TRIM66: variants seen among roughly 807,000 people sequenced by gnomAD.
The protein encoded by TRIM66 is tripartite motif containing 66.
Under a neutral mutation model 148.2 loss-of-function variants are expected in TRIM66, and 99 were observed. The observed-to-expected ratio is 0.67, with a 90% CI of 0.57 to 0.79. The LOEUF (loss-of-function observed/expected upper bound fraction) is 0.79. Among genes scored for constraint, TRIM66 ranks in the 30% least tolerant of loss-of-function variants. The pLI is 0.00. For missense variants in TRIM66, 1,666 were observed against 1,697.9 expected (o/e 0.98, Z 0.33); for synonymous variants, 616 against 635.9 (o/e 0.97, Z 0.47).
intron 15 of TRIM66, 146 bp downstream of exon 15, chr11:8,638,508 G>A (rs545247319): frequency 2.6e-5 from 22 of 859,284 alleles, no homozygotes; most frequent in African/African-American, 2.3e-4. Context: ...GACTCACTAC[G>A]GCAGAAGGCA....
In TRIM66 at chr11:8,621,730, T is replaced by C. The variant is rs751968014; in HGVS notation, c.3170A>G (p.Lys1057Arg). 1.2e-5 allele frequency: 18 copies of C among 1,551,710 alleles called. No homozygotes were observed. Among genetic ancestry groups the C allele is most frequent in the Middle Eastern group, 1.7e-4 (1 of 5,990 alleles). ...AASSGEMPVF[K>R]LKPQKNDQDG... ...CTGATCATTCTTCTGTGGCTTCAGT[T>C]TGAACACAGGCATCTCTCCTGAGGA... The change falls in exon 19 of 25, where the codon AAA becomes AGA. Residue 1057 changes from lysine (K) to arginine (R), a missense_variant. Coordinates refer to ENST00000646038, the MANE Select transcript of TRIM66 (RefSeq NM_001388022.1).
At chr11:8,629,831 G>C (rs1352273811) in intron 15 of TRIM66, among the ~76,000 whole-genome samples, 28 of 152,204 alleles carry the variant, frequency 1.8e-4, no homozygotes, top group Admixed American at 1.8e-3. Flanking sequence ...TATCAGGAGA[G>C]GGGGTGAAGC....
intron 22 of TRIM66, 27 bp from the exon 23 acceptor site, chr11:8,619,562 G>C (rs1362582291): frequency 6.7e-7 from 1 of 1,498,830 alleles, no homozygotes; most frequent in Non-Finnish European, 8.9e-7. Flanking sequence ...TGAGGAGAAG[G>C]AGGCAAAGGG....
At chr11:8,647,820 G>T in intron 10 of TRIM66, 150 bp downstream of exon 10, 1 of 674,632 alleles carries the variant, frequency 1.5e-6, no homozygotes, top group Non-Finnish European at 2.6e-6. Flanking sequence ...GACCTCAAAG[G>T]CCAAGACATA....
chr11:8,666,897 C>A (rs1418544981), intron 6 of TRIM66, among the ~76,000 whole-genome samples: 1 of 152,208 alleles, frequency 6.6e-6, no homozygotes, highest in African/African-American at 2.4e-5. Flanking sequence ...GCAACCTCCA[C>A]TTCCTGGGTT....
intron 13 of TRIM66, among the ~76,000 whole-genome samples, chr11:8,642,802 T>C (rs963977928): frequency 7.1e-6 from 1 of 140,088 alleles, no homozygotes; most frequent in Non-Finnish European, 1.5e-5. Context: ...AGTCCTATAT[T>C]GCCACTGTTA....
intron 3 of TRIM66, chr11:8,678,141 T>C (rs1162846337): frequency 6.6e-6 from 1 of 152,186 alleles, no homozygotes; most frequent in Non-Finnish European, 1.5e-5. Flanking sequence ...TACCATATAA[T>C]CCAGCAGTCT....
In TRIM66 at chr11:8,622,860, T is replaced by C; in HGVS notation, c.3036A>G (p.Glu1012=). Residue 1012 remains glutamate (E), a synonymous_variant, in exon 18 of 25, where the codon GAA becomes GAG. Coordinates refer to ENST00000646038, the MANE Select transcript of TRIM66 (RefSeq NM_001388022.1). ...TTGCATCCAGCTCTAGGGCTCCTTGTTCAAAATTCTCACACTCTAAGGCAA... is the reference window on the plus strand; with the variant it reads ...TTGCATCCAGCTCTAGGGCTCCTTGCTCAAAATTCTCACACTCTAAGGCAA... ...YQNPKECENF[E]QGALELDAKE... 1 of 1,551,986 alleles carries C rather than the reference T, an allele frequency of 6.4e-7. No homozygotes were observed. Among genetic ancestry groups the C allele is most frequent in the Admixed American group, 2.0e-5 (1 of 51,002 alleles).
intron 10 of TRIM66, among the ~76,000 whole-genome samples, chr11:8,646,966 G>A (rs1188971144): frequency 6.6e-6 from 1 of 150,928 alleles, no homozygotes; most frequent in Non-Finnish European, 1.5e-5. Flanking sequence ...TGAGGGCCGG[G>A]GGGTGTTGGG....
chr11:8,649,910 T>A (rs2037207533), intron 7 of TRIM66, 23 bp from the exon 8 acceptor site: 2 of 1,543,220 alleles, frequency 1.3e-6, no homozygotes, highest in Middle Eastern at 1.7e-4. Context: ...AGTTCTGGAG[T>A]TACTGATGTT....
chr11:8,645,672 C>T lies in TRIM66; in HGVS notation c.1104+69G>A, dbSNP rs1293231838. On this transcript the variant is annotated intron_variant, in intron 12 of 24. Transcript: ENST00000646038. ...GGCACTTCCAAGGACTGCCTCATTG[C>T]CCCTCTGACAAAGGGGATGCTCTGA... 15 of 1,532,156 alleles carry T rather than the reference C, an allele frequency of 9.8e-6. No individual in the cohort carries two copies. In the South Asian group the frequency reaches 1.2e-4, roughly 12 times the overall value. The allele number at this position is 1,532,156 out of a possible 1,614,324, so 94.9% of individuals were successfully genotyped here.
At chr11:8,650,225 T>C (rs1018429670) in intron 7 of TRIM66, among the ~76,000 whole-genome samples, 1 of 151,794 alleles carries the variant, frequency 6.6e-6, no homozygotes, top group Non-Finnish European at 1.5e-5. Context: ...ATACAAAAAT[T>C]AGCCGGGAGT....
chr11:8,681,296 T>G (rs554185106), intron 1 of TRIM66, among the ~76,000 whole-genome samples: 2 of 151,858 alleles, frequency 1.3e-5, no homozygotes, highest in Non-Finnish European at 2.9e-5. Flanking sequence ...ACCACGCCCA[T>G]CTAATTTTTT....
At position 8,622,365 on chromosome 11, in the gene TRIM66, C is replaced by CACACACACACACATATATATATATATAT; in HGVS notation, c.3080+450_3080+451insATATATATATATATATGTGTGTGTGTGT. Among the ~76,000 whole-genome samples the CACACACACACACATATATATATATATAT allele has an allele frequency of 1.5e-3, 88 of 59,560 alleles. 1 individual carries two copies. The highest frequency in any genetic ancestry group is 3.3e-3 in the Admixed American group (21 of 6,374). The allele number at this position is 59,560 out of a possible 152,430, so 39.1% of individuals were successfully genotyped here. On this transcript the variant is annotated intron_variant, in intron 18 of 24. Transcript: ENST00000646038. ...ACACACACACACACACACACACACA[C>CACACACACACACATATATATATATATAT]ATATATATATATATATATCTCCTAC...
At chr11:8,669,324 C>T (rs1021792297) in intron 6 of TRIM66, among the ~76,000 whole-genome samples, 2 of 152,188 alleles carry the variant, frequency 1.3e-5, no homozygotes, top group Admixed American at 1.3e-4. Context: ...TACCTTGCAT[C>T]CTCATTGTCC....
At chr11:8,654,839 T>C (rs2037672070) in intron 6 of TRIM66, among the ~76,000 whole-genome samples, 1 of 152,160 alleles carries the variant, frequency 6.6e-6, no homozygotes, top group South Asian at 2.1e-4. Context: ...AAATGAGGAC[T>C]GCATTTCTGT....
chr11:8,626,751 T>A (rs1407814383), intron 15 of TRIM66, among the ~76,000 whole-genome samples: 1 of 152,216 alleles, frequency 6.6e-6, no homozygotes. Flanking sequence ...TTAGAATAAC[T>A]GCAAAAATCC....
intron 7 of TRIM66, among the ~76,000 whole-genome samples, chr11:8,650,229 C>T (rs138648207): frequency 0.019 from 2,861 of 151,964 alleles, 90 homozygotes; most frequent in African/African-American, 0.065. Context: ...AAAAATTAGC[C>T]GGGAGTGGTG....
At chr11:8,668,402 G>T (rs1286629249) in intron 6 of TRIM66, among the ~76,000 whole-genome samples, 2 of 151,706 alleles carry the variant, frequency 1.3e-5, no homozygotes, top group Non-Finnish European at 2.9e-5. Context: ...TGACTGAGTA[G>T]TTCTTCTGCT....
Sources: gnomAD v4.1 joint callset for allele counts (sites outside exome capture counted in the v4.1 genomes callset) on GRCh38, gnomAD v4.1.1 for gene constraint, MANE v1.5 for transcripts, NCBI Gene and HGNC (gene_info 2026-07-23, HGNC 2026-07-21) for gene names.